MRPL19: variants seen among roughly 807,000 people sequenced by gnomAD.
The protein encoded by MRPL19 is mitochondrial ribosomal protein L19.
MRPL19 carries 31 observed loss-of-function variants against 34.0 expected under a neutral mutation model. The observed-to-expected ratio is 0.91, with a 90% CI of 0.68 to 1.23. The LOEUF (loss-of-function observed/expected upper bound fraction) is 1.23, where lower values mean the gene tolerates loss of function less well. Ranked by LOEUF, MRPL19 falls within the 50% of genes most tolerant of loss-of-function variation. The pLI is 0.00. For synonymous variants in MRPL19, 152 were observed against 127.7 expected (o/e 1.19, Z -1.28); for missense variants, 384 against 367.6 (o/e 1.04, Z -0.37).
chr2:75,652,587 G>T lies in MRPL19; in HGVS notation c.405G>T (p.Gly135=). 1 of 1,613,886 alleles carries T rather than the reference G, an allele frequency of 6.2e-7. No individual in the cohort carries two copies. Among genetic ancestry groups the T allele is most frequent in the Non-Finnish European group, 8.5e-7 (1 of 1,179,802 alleles). ...GTGGAAAAATCAGCCAGTTTCTGGG[G>T]ATTTGCATTCAGAGATCAGGAAGAG... ...YASGKISQFL[G]ICIQRSGRGL... Residue 135 remains glycine (G), a synonymous_variant, in exon 4 of 6, where the codon GGG becomes GGT. Transcript: ENST00000393909.
chr2:75,654,102 G>A (rs990409531), intron 4 of MRPL19, among the ~76,000 whole-genome samples: 55 of 152,182 alleles, frequency 3.6e-4, no homozygotes, highest in African/African-American at 1.2e-3. Context: ...CTCACAGTTC[G>A]GGAGGCTGGG....
chr2:75,646,784 T>C lies in MRPL19; in HGVS notation c.-24T>C. ...TCGTCGCACTGATTACTGGGAGCTGTAGTCTTGACGTGAGCTAGCTGGCAT... is the reference window on the plus strand; with the variant it reads ...TCGTCGCACTGATTACTGGGAGCTGCAGTCTTGACGTGAGCTAGCTGGCAT... On this transcript the variant is annotated 5_prime_UTR_variant, in exon 1 of 6. Transcript: ENST00000393909. The C allele has an allele frequency of 6.8e-7, 1 of 1,474,100 alleles. No individual in the cohort carries two copies. Among genetic ancestry groups the C allele is most frequent in the Non-Finnish European group, 9.0e-7 (1 of 1,109,174 alleles). The allele number at this position is 1,474,100 out of a possible 1,614,324, so 91.3% of individuals were successfully genotyped here. A position where few individuals can be genotyped will look rare whatever the true frequency, so the allele number is the denominator to read the frequency against.
rs994515998 is a variant in MRPL19 at position 75,646,788 on chromosome 2, C to T, written c.-20C>T. ...CGCACTGATTACTGGGAGCTGTAGT[C>T]TTGACGTGAGCTAGCTGGCATGGCG... On this transcript the variant is annotated 5_prime_UTR_variant, in exon 1 of 6. Coordinates refer to ENST00000393909, the MANE Select transcript of MRPL19 (RefSeq NM_014763.4). The T allele has an allele frequency of 8.1e-6, 12 of 1,486,250 alleles. No homozygotes were observed. Among genetic ancestry groups the T allele is most frequent in the Non-Finnish European group, 1.1e-5 (12 of 1,115,796 alleles). 92.1% of individuals were successfully genotyped at this position (1,486,250 alleles called of 1,614,324 possible).
At position 75,658,118 on chromosome 2, in the gene MRPL19, AG is replaced by A. The variant is rs1429056323; in HGVS notation, c.*2835del. On this transcript the variant is annotated 3_prime_UTR_variant, in exon 6 of 6. Transcript: ENST00000393909. The stretch of plus-strand genomic sequence containing the variant: ...GAGACAAGGTCTCATTCTATCACTC[AG>A]GTAGGAGTGCAGTGGTGTGATCATA... Among the ~76,000 whole-genome samples the A allele has an allele frequency of 6.6e-6, 1 of 152,058 alleles. No individual in the cohort carries two copies. Among genetic ancestry groups the A allele is most frequent in the Non-Finnish European group, 1.5e-5 (1 of 67,992 alleles).
rs577531532 is a variant in MRPL19, at chr2:75,654,416, C to T, written c.476-320C>T. On this transcript the variant is annotated intron_variant, in intron 4 of 5. Transcript: ENST00000393909. Reference sequence around the variant, plus strand: ...AGTAATTGGGAGATAAAAAACGTGACATAGGGAAGAATTCAGACTTTCTCT... The same window carrying T: ...AGTAATTGGGAGATAAAAAACGTGATATAGGGAAGAATTCAGACTTTCTCT... Among the ~76,000 whole-genome samples the T allele has an allele frequency of 2.6e-5, 4 of 152,240 alleles. No homozygotes were observed. The South Asian group carries it at 8.3e-4, about 32-fold the overall frequency.
chr2:75,653,967 T>C (rs1678383691), intron 4 of MRPL19, among the ~76,000 whole-genome samples: 1 of 152,174 alleles, frequency 6.6e-6, no homozygotes. Flanking sequence ...CCCTCATCCA[T>C]GTCACCATCA....
At position 75,655,315 on chromosome 2, in the gene MRPL19, A is replaced by G; in HGVS notation, c.*30A>G. The G allele has an allele frequency of 1.3e-6, 2 of 1,521,064 alleles. No individual in the cohort carries two copies. The highest frequency in any genetic ancestry group is 1.8e-6 in the Non-Finnish European group (2 of 1,098,494). The allele number at this position is 1,521,064 out of a possible 1,614,324, so 94.2% of individuals were successfully genotyped here. On this transcript the variant is annotated 3_prime_UTR_variant, in exon 6 of 6. Coordinates refer to ENST00000393909, the MANE Select transcript of MRPL19 (RefSeq NM_014763.4). Reference sequence around the variant, plus strand: ...GAGAATGAATTTGGTTAGTTGCAGAAGATACATTGGCTCTAAGAGGATATA... The same window carrying G: ...GAGAATGAATTTGGTTAGTTGCAGAGGATACATTGGCTCTAAGAGGATATA...
rs1257866576 is a variant in MRPL19 at position 75,655,899 on chromosome 2, G to T, written c.*614G>T. 6.6e-6 allele frequency: 1 copy of T among 151,078 alleles called. No homozygotes were observed. Among genetic ancestry groups the T allele is most frequent in the Non-Finnish European group, 1.5e-5 (1 of 67,886 alleles). The allele number at this position is 151,078 out of a possible 1,614,324, so 9.4% of individuals were successfully genotyped here. ...AAAACCTGAAAAAAAAAACCTGTTA[G>T]CAAGTATAAAGGGGCAGTATTACTA... On this transcript the variant is annotated 3_prime_UTR_variant, in exon 6 of 6. Coordinates refer to ENST00000393909, the MANE Select transcript of MRPL19 (RefSeq NM_014763.4).
chr2:75,650,630 G>C (rs1678311685), intron 2 of MRPL19, among the ~76,000 whole-genome samples: 1 of 152,190 alleles, frequency 6.6e-6, no homozygotes. Flanking sequence ...AGGCAGACTA[G>C]GACCCAGCAG....
intron 3 of MRPL19, 88 bp from the exon 4 acceptor site, chr2:75,652,435 C>G: frequency 1.4e-6 from 2 of 1,469,938 alleles, no homozygotes; most frequent in Non-Finnish European, 1.9e-6. Context: ...TCTAGAAATG[C>G]TATTTGTTTG....
chr2:75,661,890 T>C lies in MRPL19; in HGVS notation c.*6605T>C, dbSNP rs1678631529. On this transcript the variant is annotated 3_prime_UTR_variant, in exon 6 of 6. Transcript: ENST00000393909. The stretch of plus-strand genomic sequence containing the variant: ...TGTATGACTATGTCTTCTAGAACAA[T>C]GTTGAACAGAAATGGTGAGAGCAGA... 6.6e-6 allele frequency: 1 copy of C among 152,196 alleles called. No individual in the cohort carries two copies. The highest frequency in any genetic ancestry group is 1.5e-5 in the Non-Finnish European group (1 of 68,046). 9.4% of individuals were successfully genotyped at this position (152,196 alleles called of 1,614,324 possible). A position where few individuals can be genotyped will look rare whatever the true frequency, so the allele number is the denominator to read the frequency against.
intron 3 of MRPL19, 124 bp downstream of exon 3, chr2:75,652,384 A>C (rs138442727): frequency 5.2e-4 from 673 of 1,299,098 alleles, no homozygotes; most frequent in Non-Finnish European, 6.9e-4. Context: ...GCTCATATGA[A>C]GTATTTATTC....
At chr2:75,654,950 AG>A in intron 5 of MRPL19, 33 bp downstream of exon 5, 1 of 1,562,988 alleles carries the variant, frequency 6.4e-7, no homozygotes. Flanking sequence ...TAGAAGTTCA[AG>A]TATAAAATAA....
rs908156304 is a variant in MRPL19 at position 75,660,275 on chromosome 2, C to T, written c.*4990C>T. 1.3e-5 allele frequency among the ~76,000 whole-genome samples: 2 copies of T among 151,916 alleles called. No homozygotes were observed. The highest frequency in any genetic ancestry group is 3.9e-4 in the East Asian group (2 of 5,186). ...CTCTTTCTTCCTTTAGTTCTTTGTC[C>T]ATGTTTTCCTTTAGCTCTTTGGGCT... On this transcript the variant is annotated 3_prime_UTR_variant, in exon 6 of 6. Transcript: ENST00000393909.
intron 2 of MRPL19, among the ~76,000 whole-genome samples, chr2:75,649,220 AAT>A (rs1678281411): frequency 6.6e-6 from 1 of 152,226 alleles, no homozygotes; most frequent in Non-Finnish European, 1.5e-5. Context: ...CTAATGACCA[AAT>A]ATGTGTGAAG....
chr2:75,650,794 A>G (rs558613240), intron 2 of MRPL19, among the ~76,000 whole-genome samples: 5 of 152,332 alleles, frequency 3.3e-5, no homozygotes, highest in South Asian at 2.1e-4. Flanking sequence ...GAAGAGCACT[A>G]TGAAGCCTCA....
rs1468585046 is a variant in MRPL19, at chr2:75,654,879, G to A, written c.619G>A (p.Val207Ile). The part of the protein sequence containing the change: ...YSTFDVNMKP[V>I]VQEPNQKVPV... ...CACTTTTGATGTGAATATGAAGCCA[G>A]TAGTACAAGAGCCTAACCAAAAAGT... Residue 207 changes from valine (V) to isoleucine (I), a missense_variant, in exon 5 of 6, where the codon GTA becomes ATA. By Grantham distance (29) the Val-to-Ile change is conservative. Coordinates refer to ENST00000393909, the MANE Select transcript of MRPL19 (RefSeq NM_014763.4). The A allele has an allele frequency of 6.2e-7, 1 of 1,613,722 alleles. No individual in the cohort carries two copies. Among genetic ancestry groups the A allele is most frequent in the East Asian group, 2.2e-5 (1 of 44,860 alleles).
At position 75,658,412 on chromosome 2, in the gene MRPL19, A is replaced by C. The variant is rs1261709300; in HGVS notation, c.*3127A>C. On this transcript the variant is annotated 3_prime_UTR_variant, in exon 6 of 6. Coordinates refer to ENST00000393909, the MANE Select transcript of MRPL19 (RefSeq NM_014763.4). The stretch of plus-strand genomic sequence containing the variant: ...TTTGTTCATCCATCTTCTGATGAAC[A>C]CTGGGATATGTCTACCTTTTGGCTA... 6.6e-6 allele frequency among the ~76,000 whole-genome samples: 1 copy of C among 152,202 alleles called. No homozygotes were observed. The highest frequency in any genetic ancestry group is 1.5e-5 in the Non-Finnish European group (1 of 68,022).
At position 75,656,711 on chromosome 2, in the gene MRPL19, CATG is replaced by C. The variant is rs1031742458; in HGVS notation, c.*1433_*1435del. 2.6e-5 allele frequency: 4 copies of C among 152,068 alleles called. No individual in the cohort carries two copies. Among genetic ancestry groups the C allele is most frequent in the African/African-American group, 7.2e-5 (3 of 41,404 alleles). 9.4% of individuals were successfully genotyped at this position (152,068 alleles called of 1,614,324 possible). A position where few individuals can be genotyped will look rare whatever the true frequency, so the allele number is the denominator to read the frequency against. ...ATTTTGATTTCCCCATCATAAATTTCATGATGATGTGTCTTGGTGTGGGTCTAT... is the reference window on the plus strand; with the variant it reads ...ATTTTGATTTCCCCATCATAAATTTCATGATGTGTCTTGGTGTGGGTCTAT... On this transcript the variant is annotated 3_prime_UTR_variant, in exon 6 of 6. Transcript: ENST00000393909.
Sources: gnomAD v4.1 joint callset for allele counts (sites outside exome capture counted in the v4.1 genomes callset) on GRCh38, gnomAD v4.1.1 for gene constraint, MANE v1.5 for transcripts, NCBI Gene and HGNC (gene_info 2026-07-23, HGNC 2026-07-21) for gene names.